The following GAB1 variants were observed in gnomAD, a reference collection of about 807,000 sequenced individuals.
GAB1 encodes GRB2 associated binding protein 1, also known as GRB2-associated-binding protein 1.
GAB1 carries 19 observed loss-of-function variants against 66.5 expected under a neutral mutation model. The observed-to-expected ratio is 0.29, with a 90% CI of 0.20 to 0.42. The LOEUF (loss-of-function observed/expected upper bound fraction) is 0.42, where lower values mean the gene tolerates loss of function less well. Among genes scored for constraint, GAB1 ranks in the 10% least tolerant of loss-of-function variants. GAB1 has a pLI of 1.00. For missense variants in GAB1, 732 were observed against 858.5 expected (o/e 0.85, Z 1.84); for synonymous variants, 294 against 301.4 (o/e 0.98, Z 0.25).
chr4:143,352,294 T>C (rs1470968082), intron 1 of GAB1, among the ~76,000 whole-genome samples: 1 of 152,240 alleles, frequency 6.6e-6, no homozygotes, highest in East Asian at 1.9e-4. Flanking sequence ...GTCTGGCTAC[T>C]GTAATTGGCA....
rs765022351 is a variant in GAB1, at chr4:143,337,232, C to T, written c.44C>T (p.Ser15Phe). The T allele has an allele frequency of 1.3e-6, 2 of 1,583,282 alleles. No homozygotes were observed. The highest frequency in any genetic ancestry group is 1.8e-5 in the Admixed American group (1 of 55,036). Residue 15 changes from serine to phenylalanine, a missense_variant, in exon 1 of 10, where the codon TCC (serine) becomes TTC (phenylalanine). By Grantham distance (155) the Ser-to-Phe change is radical (BLOSUM62 -2). Around this residue, in one of 4 missense-constraint regions of GAB1, gnomAD observed 35 missense variants for 30.8 expected, o/e 1.13. Transcript: ENST00000262994. ...EVVCSGWLRK[S>F]PPEKKLKRYA... Reference sequence around the variant, plus strand: ...GTCTGCTCCGGATGGCTCCGCAAGTCCCCCCCGGAGAAAAAGTTGAAGCGT... The same window carrying T: ...GTCTGCTCCGGATGGCTCCGCAAGTTCCCCCCGGAGAAAAAGTTGAAGCGT...
rs577693126 is a variant in GAB1 at position 143,453,029 on chromosome 4, T to G, written c.1586-6356T>G. Among the ~76,000 whole-genome samples, 216 of 152,300 alleles carry G rather than the reference T, an allele frequency of 1.4e-3. 6 individuals are homozygous for G. The South Asian group carries it at 0.041, about 29-fold the overall frequency. On this transcript the variant is annotated intron_variant, in intron 6 of 9. Transcript: ENST00000262994. ...GGAGGAGAAAAGGCTAAGACAGGCCTCCTTACACCTTGGACTTTTTTTCTC... is the reference window on the plus strand; with the variant it reads ...GGAGGAGAAAAGGCTAAGACAGGCCGCCTTACACCTTGGACTTTTTTTCTC...
intron 1 of GAB1, among the ~76,000 whole-genome samples, chr4:143,396,681 G>T (rs1470689986): frequency 6.6e-6 from 1 of 152,206 alleles, no homozygotes; most frequent in Non-Finnish European, 1.5e-5. Context: ...TAAGAGACTG[G>T]ATTCAGCCCA....
At chr4:143,448,435 T>C (rs573033277) in intron 6 of GAB1, among the ~76,000 whole-genome samples, 1 of 152,004 alleles carries the variant, frequency 6.6e-6, no homozygotes, top group East Asian at 1.9e-4. Context: ...CTCTTTTTGG[T>C]TGGTAAGCTA....
rs572381390 is a variant in GAB1 at position 143,418,199 on chromosome 4, T to G, written c.367+2428T>G. Reference sequence around the variant, plus strand: ...GAGGGGGCTGATGAAATAGAGATCTTCAGCAGAGCTCTAGTGATTAAAAAC... The same window carrying G: ...GAGGGGGCTGATGAAATAGAGATCTGCAGCAGAGCTCTAGTGATTAAAAAC... On this transcript the variant is annotated intron_variant, in intron 2 of 9. Transcript: ENST00000262994. Among the ~76,000 whole-genome samples, 7 of 152,364 alleles carry G rather than the reference T, an allele frequency of 4.6e-5. No homozygotes were observed. The East Asian group carries it at 1.4e-3, about 29-fold the overall frequency.
chr4:143,392,899 C>G (rs1731251087), intron 1 of GAB1, among the ~76,000 whole-genome samples: 1 of 152,230 alleles, frequency 6.6e-6, no homozygotes, highest in Admixed American at 6.5e-5. Flanking sequence ...AAATACTAGG[C>G]TGTTAAAGCT....
At chr4:143,456,436 G>A (rs1190760525) in intron 6 of GAB1, among the ~76,000 whole-genome samples, 5 of 145,342 alleles carry the variant, frequency 3.4e-5, no homozygotes, top group African/African-American at 5.3e-5. Context: ...TAGCCTGGGC[G>A]ACTGAGAGAG....
At chr4:143,416,470 T>A (rs1049341016) in intron 2 of GAB1, among the ~76,000 whole-genome samples, 5 of 151,126 alleles carry the variant, frequency 3.3e-5, no homozygotes, top group African/African-American at 1.2e-4. Context: ...AAATATATTT[T>A]AAAACTATAT....
chr4:143,341,728 A>C (rs1728829782), intron 1 of GAB1, among the ~76,000 whole-genome samples: 1 of 152,168 alleles, frequency 6.6e-6, no homozygotes. Flanking sequence ...CTAGAAACAG[A>C]AATAGCCTCT....
intron 1 of GAB1, among the ~76,000 whole-genome samples, chr4:143,406,461 G>A (rs758361568): frequency 6.6e-6 from 1 of 152,162 alleles, no homozygotes; most frequent in Non-Finnish European, 1.5e-5. Flanking sequence ...CCAAAGACTT[G>A]TTCTTCACTA....
chr4:143,374,102 C>A (rs1044537216), intron 1 of GAB1, among the ~76,000 whole-genome samples: 2 of 150,972 alleles, frequency 1.3e-5, no homozygotes, highest in African/African-American at 2.4e-5. Flanking sequence ...TTTTTGTTTT[C>A]CAAGGAGTTT....
In GAB1 at chr4:143,349,922, C is replaced by T. The variant is rs529555998; in HGVS notation, c.72+12662C>T. The T allele has an allele frequency of 1.3e-5, 21 of 1,591,406 alleles. No homozygotes were observed. The African/African-American group carries it at 2.1e-4, about 16-fold the overall frequency. On this transcript the variant is annotated intron_variant, in intron 1 of 9. Coordinates refer to ENST00000262994, the MANE Select transcript of GAB1 (RefSeq NM_002039.4). ...GGCAGAGAGAAGAGATAGATCTCCTCCAGGGACTTGATCTTCATGTCCTTG... is the reference window on the plus strand; with the variant it reads ...GGCAGAGAGAAGAGATAGATCTCCTTCAGGGACTTGATCTTCATGTCCTTG...
At chr4:143,468,999 G>A in intron 9 of GAB1, 32 bp from the exon 10 acceptor site, 2 of 1,611,160 alleles carry the variant, frequency 1.2e-6, no homozygotes, top group Non-Finnish European at 1.7e-6. Flanking sequence ...TCCTTTATAT[G>A]TTGGACTTTT....
intron 2 of GAB1, among the ~76,000 whole-genome samples, chr4:143,417,878 C>CA (rs1560755191): frequency 6.6e-6 from 1 of 152,220 alleles, no homozygotes; most frequent in African/African-American, 2.4e-5. Context: ...TGGTTATACT[C>CA]ACATTTAGAA....
In GAB1 at chr4:143,345,263, T is replaced by C. The variant is rs17017619; in HGVS notation, c.72+8003T>C. Among the ~76,000 whole-genome samples, 333 of 152,332 alleles carry C rather than the reference T, an allele frequency of 2.2e-3. 1 individual carries two copies. Among genetic ancestry groups the C allele is most frequent in the African/African-American group, 7.6e-3 (317 of 41,590 alleles). ...TATATATTAGAAAGAATGCCAAATTTACCAAGTGCTTTTCTGATGGTGGTT... is the reference window on the plus strand; with the variant it reads ...TATATATTAGAAAGAATGCCAAATTCACCAAGTGCTTTTCTGATGGTGGTT... On this transcript the variant is annotated intron_variant, in intron 1 of 9. Coordinates refer to ENST00000262994, the MANE Select transcript of GAB1 (RefSeq NM_002039.4).
intron 9 of GAB1, among the ~76,000 whole-genome samples, chr4:143,467,574 T>TC (rs1735858898): frequency 6.6e-6 from 1 of 152,210 alleles, no homozygotes; most frequent in South Asian, 2.1e-4. Flanking sequence ...GTATATTGTT[T>TC]CTCCTATCTC....
intron 6 of GAB1, among the ~76,000 whole-genome samples, chr4:143,453,077 T>C (rs1735007482): frequency 6.6e-6 from 1 of 152,150 alleles, no homozygotes; most frequent in Non-Finnish European, 1.5e-5. Context: ...TTAAGTAATA[T>C]AGGGCTATTC....
intron 1 of GAB1, among the ~76,000 whole-genome samples, chr4:143,399,231 TAA>T (rs1731621042): frequency 6.6e-6 from 1 of 152,164 alleles, no homozygotes; most frequent in Non-Finnish European, 1.5e-5. Flanking sequence ...ATTGTCTTCT[TAA>T]ATATTAAGAA....
In GAB1 at chr4:143,439,895, T is replaced by A. The variant is rs1734130040; in HGVS notation, c.1281+8T>A. 6.3e-7 allele frequency: 1 copy of A among 1,593,726 alleles called. No homozygotes were observed. The highest frequency in any genetic ancestry group is 1.3e-5 in the African/African-American group (1 of 74,628). On this transcript the variant is annotated splice_region_variant and intron_variant, in intron 5 of 9. Transcript: ENST00000262994. ...GGCTTCCATAACCACTTTGTAAGTA[T>A]AATTGACCTTGGCATCATCAAGTGT...
Sources: allele counts gnomAD v4.1 joint callset (sites outside exome capture counted in the v4.1 genomes callset), GRCh38; gene constraint gnomAD v4.1.1; regional missense constraint gnomAD v4.1.1; transcripts MANE v1.5; gene names NCBI Gene and HGNC (gene_info 2026-07-23, HGNC 2026-07-21).